Variants in FAM3B observed in about 807,000 individuals in gnomAD.
The protein encoded by FAM3B is protein FAM3B.
A neutral mutation model predicts 28.4 loss-of-function variants in FAM3B; 29 were observed. The ratio of observed to expected loss-of-function variants is 1.02; its 90% confidence interval spans 0.76 to 1.39. FAM3B has a LOEUF of 1.39. FAM3B is among the 40% of genes most tolerant of loss of function. The pLI, the probability that FAM3B is intolerant of heterozygous loss-of-function variation, is 0.00. For synonymous variants in FAM3B, 91 were observed against 103.0 expected, an observed-to-expected ratio of 0.88 and a Z score of 0.71; for missense variants, 266 against 293.9, an observed-to-expected ratio of 0.91 and a Z score of 0.69.
At chr21:41,323,361 C>G (rs2088827209) in intron 2 of FAM3B, among the ~76,000 whole-genome samples, 1 of 152,180 alleles carries the variant, frequency 6.6e-6, no homozygotes, top group African/African-American at 2.4e-5. Flanking sequence ...CCCTGGGAAG[C>G]ACAGGAGGGT....
chr21:41,336,573 A>G lies in FAM3B; in HGVS notation c.164-1805A>G, dbSNP rs929222509. 6.6e-5 allele frequency among the ~76,000 whole-genome samples: 10 copies of G among 152,222 alleles called. No homozygotes were observed. The East Asian group carries it at 1.7e-3, about 26-fold the overall frequency. Reference sequence around the variant, plus strand: ...AATTTGTGTTATTTACAAATTGCCTAGCCTAAGGTATTTTTTTAAAACAGC... The same window carrying G: ...AATTTGTGTTATTTACAAATTGCCTGGCCTAAGGTATTTTTTTAAAACAGC... On this transcript the variant is annotated intron_variant, in intron 2 of 7. Transcript: ENST00000357985.
At chr21:41,324,917 C>T (rs948688366) in intron 2 of FAM3B, among the ~76,000 whole-genome samples, 6 of 152,080 alleles carry the variant, frequency 3.9e-5, no homozygotes, top group African/African-American at 1.2e-4. Flanking sequence ...GCTTGGCCAA[C>T]GTGGTGAAAC....
At chr21:41,346,881 T>TGAG (rs2089065469) in intron 5 of FAM3B, 132 bp from the exon 6 acceptor site, 3 of 766,126 alleles carry the variant, frequency 3.9e-6, no homozygotes, top group Admixed American at 1.9e-5. Flanking sequence ...TCTGCAGGGT[T>TGAG]GAGCAGCGAG....
chr21:41,324,449 A>T (rs2088837973), intron 2 of FAM3B, among the ~76,000 whole-genome samples: 1 of 152,214 alleles, frequency 6.6e-6, no homozygotes, highest in South Asian at 2.1e-4. Flanking sequence ...AGTCACAGGA[A>T]CAGGGAAGAA....
intron 1 of FAM3B, 66 bp downstream of exon 1, chr21:41,316,964 C>G: frequency 1.6e-6 from 2 of 1,228,402 alleles, no homozygotes; most frequent in Non-Finnish European, 2.1e-6. Flanking sequence ...GGAAGCGTCG[C>G]TCCCCAACCC....
At chr21:41,343,838 T>G (rs2089029639) in intron 3 of FAM3B, among the ~76,000 whole-genome samples, 1 of 152,192 alleles carries the variant, frequency 6.6e-6, no homozygotes, top group African/African-American at 2.4e-5. Flanking sequence ...AGTGACATAC[T>G]CAGGCATGGT....
chr21:41,304,268 C>T (rs778943120), exon 1 of FAM3B: 3 of 455,942 alleles, frequency 6.6e-6, no homozygotes, highest in Non-Finnish European at 1.3e-5. Flanking sequence ...GGCACCCTGG[C>T]GCCATCTTTT....
At chr21:41,332,562 C>T (rs1601359468) in intron 2 of FAM3B, among the ~76,000 whole-genome samples, 3 of 152,138 alleles carry the variant, frequency 2.0e-5, no homozygotes, top group African/African-American at 7.2e-5. Flanking sequence ...GCATTCCCTC[C>T]TCTTCAATTT....
chr21:41,336,604 C>G (rs1456193242), intron 2 of FAM3B, among the ~76,000 whole-genome samples: 1 of 152,178 alleles, frequency 6.6e-6, no homozygotes, highest in Non-Finnish European at 1.5e-5. Flanking sequence ...ACAGCCTGAA[C>G]AGACTAAGAC....
intron 2 of FAM3B, among the ~76,000 whole-genome samples, chr21:41,324,658 T>C (rs2088840373): frequency 6.6e-6 from 1 of 152,194 alleles, no homozygotes; most frequent in African/African-American, 2.4e-5. Context: ...ACAGCATCCC[T>C]CTCTGGGCCG....
intron 3 of FAM3B, among the ~76,000 whole-genome samples, chr21:41,343,001 A>G (rs1010209551): frequency 2.6e-5 from 4 of 152,238 alleles, no homozygotes; most frequent in Non-Finnish European, 5.9e-5. Context: ...GATGACCTGA[A>G]TAAGTGTTAA....
chr21:41,319,712 C>G (rs1352410829), intron 1 of FAM3B: 3 of 152,486 alleles, frequency 2.0e-5, no homozygotes, highest in African/African-American at 7.2e-5. Context: ...GCCCATCCTG[C>G]TTTCATCCCC....
chr21:41,356,167 T>C (rs796137083), intron 7 of FAM3B, among the ~76,000 whole-genome samples: 2 of 152,182 alleles, frequency 1.3e-5, no homozygotes, highest in South Asian at 4.1e-4. Context: ...TTACATTTTA[T>C]ACTTAAATTT....
intron 1 of FAM3B, among the ~76,000 whole-genome samples, chr21:41,310,619 G>T (rs2088703719): frequency 6.6e-6 from 1 of 152,128 alleles, no homozygotes; most frequent in South Asian, 2.1e-4. Context: ...CTTCCAAAAT[G>T]AGCACACCCT....
At chr21:41,341,634 G>A (rs2089007952) in intron 3 of FAM3B, among the ~76,000 whole-genome samples, 2 of 152,198 alleles carry the variant, frequency 1.3e-5, no homozygotes. Context: ...TTGTGTCTGA[G>A]ATTTATCCTT....
intron 3 of FAM3B, among the ~76,000 whole-genome samples, chr21:41,344,116 T>A (rs2089033670): frequency 6.6e-6 from 1 of 152,188 alleles, no homozygotes; most frequent in Non-Finnish European, 1.5e-5. Flanking sequence ...TGAGACCCTG[T>A]CTCAATAAAT....
chr21:41,319,705 C>T (rs2088784157), intron 1 of FAM3B: 1 of 152,460 alleles, frequency 6.6e-6, no homozygotes, highest in African/African-American at 2.4e-5. Flanking sequence ...GGCTCCTGCC[C>T]ATCCTGCTTT....
At chr21:41,315,600 T>C (rs1328366361), upstream of FAM3B, among the ~76,000 whole-genome samples, 1 of 152,010 alleles carries the variant, frequency 6.6e-6, no homozygotes, top group East Asian at 1.9e-4. Context: ...CAGGTCCGAG[T>C]GGCATCCAGA....
At chr21:41,333,523 T>C (rs535985404) in intron 2 of FAM3B, among the ~76,000 whole-genome samples, 214 of 152,368 alleles carry the variant, frequency 1.4e-3, no homozygotes, top group African/African-American at 4.7e-3. Context: ...GCTTCTGCCA[T>C]GATTGTAAGT....
Sources: allele counts gnomAD v4.1 joint callset (sites outside exome capture counted in the v4.1 genomes callset), GRCh38; gene constraint gnomAD v4.1.1; transcripts MANE v1.5; gene names NCBI Gene and HGNC (gene_info 2026-07-23, HGNC 2026-07-21).